Variants in NCKAP5 observed in about 807,000 individuals in gnomAD.
The protein encoded by NCKAP5 is nck-associated protein 5.
In NCKAP5, 92 loss-of-function variants were observed where a neutral mutation model predicts 167.0. The ratio of observed to expected loss-of-function variants is 0.55; its 90% CI spans 0.47 to 0.66. The LOEUF is 0.66. NCKAP5 is among the 30% of genes least tolerant of loss of function. The probability of loss-of-function intolerance (pLI) is 0.00; values close to 1 mark genes in which losing one functional copy is unlikely to be tolerated. For synonymous variants in NCKAP5, 891 were observed against 877.4 expected (o/e 1.02, Z -0.27); for missense variants, 2,378 against 2,315.0 (o/e 1.03, Z -0.56).
chr2:133,491,502 AG>A (rs1681439057), intron 3 of NCKAP5, among the ~76,000 whole-genome samples: 2 of 152,236 alleles, frequency 1.3e-5, no homozygotes, highest in African/African-American at 4.8e-5. Context: ...AACGTAGGCT[AG>A]GGAAAGACAG....
chr2:132,944,822 A>AT (rs932235416), intron 8 of NCKAP5, among the ~76,000 whole-genome samples: 9 of 152,084 alleles, frequency 5.9e-5, no homozygotes, highest in Non-Finnish European at 1.3e-4. Flanking sequence ...ATGTCATAGG[A>AT]TTTTCTCTTG....
intron 3 of NCKAP5, among the ~76,000 whole-genome samples, chr2:133,477,900 C>CCTATGAATTATTTATTT (rs1286554561): frequency 2.0e-5 from 3 of 152,128 alleles, no homozygotes; most frequent in African/African-American, 7.2e-5. Context: ...CAATTTAAAA[C>CCTATGAATTATTTATTT]CTATGAATTA....
chr2:133,271,767 T>A (rs1488174854), intron 4 of NCKAP5, among the ~76,000 whole-genome samples: 1 of 152,152 alleles, frequency 6.6e-6, no homozygotes, highest in Non-Finnish European at 1.5e-5. Context: ...AAGACTGGTA[T>A]TAGCTGATAT....
At chr2:133,589,044 G>A in the NCKAP5 span, among the ~76,000 whole-genome samples, 2 of 152,198 alleles carry the variant, frequency 1.3e-5, no homozygotes, top group African/African-American at 2.4e-5. Context: ...CAAGTAAGAT[G>A]TGGACCCCCT....
chr2:133,350,878 C>T (rs1308456248), intron 3 of NCKAP5, among the ~76,000 whole-genome samples: 3 of 152,076 alleles, frequency 2.0e-5, no homozygotes, highest in Admixed American at 2.0e-4. Flanking sequence ...TCCCCCTTCA[C>T]ACCCTCTCCC....
chr2:133,461,644 C>T (rs186813498), intron 3 of NCKAP5, among the ~76,000 whole-genome samples: 34 of 152,222 alleles, frequency 2.2e-4, no homozygotes, highest in South Asian at 4.1e-4. Flanking sequence ...GGGCTCCAGC[C>T]GAGTGTGAAG....
At chr2:133,606,426 T>C in the NCKAP5 span, among the ~76,000 whole-genome samples, 1 of 152,208 alleles carries the variant, frequency 6.6e-6, no homozygotes, top group Non-Finnish European at 1.5e-5. Context: ...GTCTGTAGGT[T>C]CTAGGAGGAA....
At chr2:133,557,695 T>C (rs1687839157) in intron 2 of NCKAP5, among the ~76,000 whole-genome samples, 1 of 152,260 alleles carries the variant, frequency 6.6e-6, no homozygotes, top group Admixed American at 6.5e-5. Flanking sequence ...GTAGAGGTTA[T>C]AATTAGATGC....
intron 6 of NCKAP5, among the ~76,000 whole-genome samples, chr2:133,035,651 A>G (rs2079017539): frequency 6.6e-6 from 1 of 151,834 alleles, no homozygotes; most frequent in Admixed American, 6.6e-5. Flanking sequence ...AATATGACCC[A>G]TGGGATCACT....
At chr2:133,305,443 T>C (rs1467049342) in intron 3 of NCKAP5, among the ~76,000 whole-genome samples, 1 of 152,206 alleles carries the variant, frequency 6.6e-6, no homozygotes, top group African/African-American at 2.4e-5. Flanking sequence ...ATACATACCA[T>C]CATGACTGCC....
chr2:133,462,067 A>G (rs1369497564), intron 3 of NCKAP5, among the ~76,000 whole-genome samples: 2 of 152,220 alleles, frequency 1.3e-5, no homozygotes. Context: ...TTAAAGTTGC[A>G]TTATTTCACA....
chr2:133,304,262 A>T (rs533916551), intron 3 of NCKAP5, among the ~76,000 whole-genome samples: 2 of 152,282 alleles, frequency 1.3e-5, no homozygotes, highest in African/African-American at 4.8e-5. Flanking sequence ...ACCAGTCCTG[A>T]TTTCTTTTGA....
intron 3 of NCKAP5, among the ~76,000 whole-genome samples, chr2:133,445,977 G>A (rs751946894): frequency 3.0e-4 from 45 of 152,194 alleles, no homozygotes; most frequent in African/African-American, 5.8e-4. Context: ...TTGTGGCAGC[G>A]TGGTGGTGGT....
chr2:133,471,487 G>C (rs1224884967), intron 3 of NCKAP5, among the ~76,000 whole-genome samples: 4 of 152,122 alleles, frequency 2.6e-5, no homozygotes, highest in African/African-American at 9.7e-5. Flanking sequence ...CCTAGTGCTA[G>C]AGCCATTGCT....
chr2:133,509,042 C>G (rs1043725627), intron 3 of NCKAP5, among the ~76,000 whole-genome samples: 1 of 152,202 alleles, frequency 6.6e-6, no homozygotes, highest in Non-Finnish European at 1.5e-5. Flanking sequence ...CTGAATACAG[C>G]TGAATGAAAC....
intron 19 of NCKAP5, among the ~76,000 whole-genome samples, chr2:132,699,705 A>T (rs1390741520): frequency 4.6e-5 from 7 of 152,204 alleles, no homozygotes; most frequent in Non-Finnish European, 1.0e-4. Flanking sequence ...TATATGTGCC[A>T]CATTTTCTTA....
intron 4 of NCKAP5, among the ~76,000 whole-genome samples, chr2:133,249,610 C>T (rs1045309868): frequency 1.4e-4 from 21 of 152,232 alleles, no homozygotes; most frequent in Non-Finnish European, 3.1e-4. Context: ...AGTCACCCTT[C>T]CTCCTTCAAA....
intron 5 of NCKAP5, among the ~76,000 whole-genome samples, chr2:133,159,071 C>T (rs2083687120): frequency 6.6e-6 from 1 of 151,858 alleles, no homozygotes; most frequent in South Asian, 2.1e-4. Flanking sequence ...AGGGTGAGGC[C>T]AGTCTAATCT....
intron 4 of NCKAP5, among the ~76,000 whole-genome samples, chr2:133,244,014 A>G (rs770537620): frequency 5.5e-4 from 84 of 152,344 alleles, no homozygotes; most frequent in Admixed American, 2.7e-3. Context: ...TAGACAAGCT[A>G]AAATATAAAC....
Sources: allele counts gnomAD v4.1 joint callset (sites outside exome capture counted in the v4.1 genomes callset), GRCh38; gene constraint gnomAD v4.1.1; transcripts MANE v1.5; gene names NCBI Gene and HGNC (gene_info 2026-07-23, HGNC 2026-07-21).